VGLL4: variants seen among roughly 807,000 people sequenced by gnomAD.
VGLL4 encodes the protein transcription cofactor vestigial-like protein 4.
In VGLL4, 7 loss-of-function variants were observed where a neutral mutation model predicts 21.0. That is an observed-to-expected ratio of 0.33 (90% CI 0.19 to 0.63). The LOEUF (loss-of-function observed/expected upper bound fraction) is 0.63, where lower values mean the gene tolerates loss of function less well. VGLL4 is among the 20% of genes least tolerant of loss of function. The pLI is 0.78. For missense variants in VGLL4, 394 were observed against 425.7 expected, an observed-to-expected ratio of 0.93 and a Z score of 0.66; for synonymous variants, 222 against 173.2, an observed-to-expected ratio of 1.28 and a Z score of -2.21.
chr3:11,696,290 C>T (rs2076605945), intron 2 of VGLL4, among the ~76,000 whole-genome samples: 1 of 152,222 alleles, frequency 6.6e-6, no homozygotes, highest in Non-Finnish European at 1.5e-5. Context: ...GGCAGTTCCT[C>T]CCTATTCTAA....
At chr3:11,578,500 T>A (rs949304553) in intron 2 of VGLL4, among the ~76,000 whole-genome samples, 2 of 151,986 alleles carry the variant, frequency 1.3e-5, no homozygotes, top group Non-Finnish European at 2.9e-5. Context: ...CAGGAAGACC[T>A]CTGGTTCAAT....
At chr3:11,606,075 G>A (rs2074934389) in intron 1 of VGLL4, among the ~76,000 whole-genome samples, 1 of 152,196 alleles carries the variant, frequency 6.6e-6, no homozygotes, top group Non-Finnish European at 1.5e-5. Context: ...CATGCCTGGG[G>A]AGGCCTCACA....
chr3:11,598,190 AT>A (rs1021140496), intron 2 of VGLL4, among the ~76,000 whole-genome samples: 1 of 151,522 alleles, frequency 6.6e-6, no homozygotes. Context: ...CACCCAGCTA[AT>A]TTTTTTTGTA....
intron 2 of VGLL4, among the ~76,000 whole-genome samples, chr3:11,584,452 G>C (rs577167656): frequency 4.6e-5 from 7 of 152,226 alleles, no homozygotes; most frequent in Non-Finnish European, 8.8e-5. Flanking sequence ...TGCCGAGAGA[G>C]AGACAGATGC....
intron 1 of VGLL4, among the ~76,000 whole-genome samples, chr3:11,708,244 C>T (rs1004409615): frequency 6.6e-6 from 1 of 152,120 alleles, no homozygotes; most frequent in Non-Finnish European, 1.5e-5. Context: ...TTGAATAAAT[C>T]ACAAATGACA....
In VGLL4 at chr3:11,643,583, C is replaced by A; in HGVS notation, c.-65G>T. ...CCCAAAAGAGTTAAGTTTCAAAAATCAATTGTTGCTGAGTAGCTCCTGGCT... is the reference window on the plus strand; with the variant it reads ...CCCAAAAGAGTTAAGTTTCAAAAATAAATTGTTGCTGAGTAGCTCCTGGCT... On this transcript the variant is annotated 5_prime_UTR_variant, in exon 1 of 5. Transcript: ENST00000430365. 1.9e-6 allele frequency: 3 copies of A among 1,608,662 alleles called. No individual in the cohort carries two copies. In the South Asian group the frequency reaches 3.3e-5, roughly 18 times the overall value.
At chr3:11,608,007 G>T (rs943646070) in intron 1 of VGLL4, among the ~76,000 whole-genome samples, 7 of 152,174 alleles carry the variant, frequency 4.6e-5, no homozygotes, top group Non-Finnish European at 8.8e-5. Context: ...CTGACCACAA[G>T]GGTGGGAGGC....
At position 11,568,860 on chromosome 3, in the gene VGLL4, G is replaced by C; in HGVS notation, c.273-3841C>G. The C allele has an allele frequency of 7.3e-7, 1 of 1,378,030 alleles. No individual in the cohort carries two copies. The highest frequency in any genetic ancestry group is 9.4e-7 in the Non-Finnish European group (1 of 1,065,650). The allele number at this position is 1,378,030 out of a possible 1,614,324, so 85.4% of individuals were successfully genotyped here. On this transcript the variant is annotated intron_variant, in intron 2 of 4. Transcript: ENST00000430365. The surrounding 1 kb of genome is among the most constrained non-coding windows in gnomAD (Gnocchi z 5.9). ...GAGTGGCTCCGTGCCAGGCCTATCA[G>C]AGCCGCTGAGGCTGCACGGCACCCG...
intron 2 of VGLL4, among the ~76,000 whole-genome samples, 159 bp downstream of exon 2, chr3:11,601,674 C>T (rs1453639715): frequency 6.6e-6 from 1 of 152,222 alleles, no homozygotes; most frequent in East Asian, 1.9e-4. Flanking sequence ...GAGTTTACTA[C>T]CTTCTTTTTG....
At chr3:11,559,522 T>TCCC in intron 3 of VGLL4, 67 bp from the exon 4 acceptor site, 1 of 1,462,222 alleles carries the variant, frequency 6.8e-7, no homozygotes, top group South Asian at 1.4e-5. Context: ...CCTGGGGCCC[T>TCCC]CCCCAGCACC....
At chr3:11,571,991 C>T (rs1033145507) in intron 2 of VGLL4, among the ~76,000 whole-genome samples, 6 of 152,176 alleles carry the variant, frequency 3.9e-5, no homozygotes, top group Non-Finnish European at 5.9e-5. Context: ...CCTGCAGCCC[C>T]AGCTACTCTG....
rs777446964 is a variant in VGLL4 at position 11,564,866 on chromosome 3, G to C, written c.426C>G (p.Thr142=). Residue 142 remains threonine (T), a synonymous_variant, in exon 3 of 5, where the codon ACC becomes ACG. Transcript: ENST00000430365. ...SLGLEQPLAL[T]KNSLDASRPA... ...GCCTGCTGGCGTCCAGGCTGTTCTT[G>C]GTCAGTGCGAGGGGCTGCTCCAGGC... 1.9e-6 allele frequency: 3 copies of C among 1,609,286 alleles called. No individual in the cohort carries two copies. Among genetic ancestry groups the C allele is most frequent in the Admixed American group, 3.4e-5 (2 of 59,686 alleles).
intron 1 of VGLL4, among the ~76,000 whole-genome samples, chr3:11,608,507 C>T (rs567735914): frequency 1.3e-5 from 2 of 152,174 alleles, no homozygotes; most frequent in African/African-American, 4.8e-5. Context: ...ATTTCAATGG[C>T]AGAGAAGTTT....
chr3:11,611,371 G>T (rs62248311), intron 1 of VGLL4, among the ~76,000 whole-genome samples: 1 of 152,092 alleles, frequency 6.6e-6, no homozygotes, highest in Non-Finnish European at 1.5e-5. Context: ...GAGGATATGG[G>T]AGAAGAGAAG....
chr3:11,648,325 A>G (rs937883194), upstream of VGLL4, among the ~76,000 whole-genome samples: 20 of 152,228 alleles, frequency 1.3e-4, no homozygotes, highest in African/African-American at 4.3e-4. Context: ...TTACTGAGAA[A>G]AGAATCCAGA....
chr3:11,714,493 C>T (rs530708355), intron 1 of VGLL4, among the ~76,000 whole-genome samples: 98 of 151,112 alleles, frequency 6.5e-4, no homozygotes, highest in Admixed American at 6.1e-3. Flanking sequence ...AGGTTCGAGT[C>T]CAGACTGGCC....
intron 2 of VGLL4, among the ~76,000 whole-genome samples, chr3:11,571,699 T>C (rs1281157919): frequency 6.6e-6 from 1 of 151,938 alleles, no homozygotes; most frequent in Admixed American, 6.6e-5. Context: ...CCCACAAAGG[T>C]AGTGTCCCTC....
At position 11,717,357 on chromosome 3, in the gene VGLL4, C is replaced by A. The variant is rs116339654; in HGVS notation, c.-14+3037G>T. ...TTACTAAGGCAAATTAAAAGCTGCA[C>A]AGCAAAACTCTCCAAGACAGATACC... On this transcript the variant is annotated intron_variant, in intron 1 of 5. Transcript: ENST00000273038. Among the ~76,000 whole-genome samples, 469 of 152,100 alleles carry A rather than the reference C, an allele frequency of 3.1e-3. 5 individuals carry two copies. The highest frequency in any genetic ancestry group is 0.01 in the African/African-American group (431 of 41,476).
chr3:11,683,844 T>C (rs755218574), intron 2 of VGLL4, among the ~76,000 whole-genome samples: 4 of 152,012 alleles, frequency 2.6e-5, no homozygotes, highest in South Asian at 2.1e-4. Context: ...GATTATGGCA[T>C]CCTGTAATGA....
Sources: gnomAD v4.1 joint callset for allele counts (sites outside exome capture counted in the v4.1 genomes callset) on GRCh38, gnomAD v4.1.1 for gene constraint, Gnocchi (gnomAD v3.1) non-coding constraint, MANE v1.5 for transcripts, NCBI Gene and HGNC (gene_info 2026-07-23, HGNC 2026-07-21) for gene names.